Variants in ADCY5 observed in about 807,000 individuals in gnomAD.
The protein encoded by ADCY5 is adenylate cyclase 5.
ADCY5 carries 30 observed loss-of-function variants against 119.7 expected under a neutral mutation model. The ratio of observed to expected loss-of-function variants is 0.25; its 90% CI spans 0.19 to 0.34. The LOEUF (loss-of-function observed/expected upper bound fraction) is 0.34, where lower values mean the gene tolerates loss of function less well. Ranked by LOEUF, ADCY5 falls within the 10% of genes least tolerant of loss-of-function variation. The pLI is 1.00. For missense variants in ADCY5, 1,324 were observed against 1,775.2 expected, an observed-to-expected ratio of 0.75 and a Z score of 4.57; for synonymous variants, 753 against 762.2, an observed-to-expected ratio of 0.99 and a Z score of 0.20.
At chr3:123,329,330 G>C (rs1941649495) in intron 5 of ADCY5, among the ~76,000 whole-genome samples, 1 of 152,202 alleles carries the variant, frequency 6.6e-6, no homozygotes, top group Non-Finnish European at 1.5e-5. Context: ...CTGCTCAGGA[G>C]GGAAGGGGAG....
intron 1 of ADCY5, among the ~76,000 whole-genome samples, chr3:123,439,973 T>G (rs1481898482): frequency 1.3e-5 from 2 of 152,250 alleles, no homozygotes; most frequent in Admixed American, 1.3e-4. Flanking sequence ...AGGAGGGATT[T>G]TGGAAGCCCT....
At chr3:123,399,310 C>T (rs554113945) in intron 1 of ADCY5, among the ~76,000 whole-genome samples, 8 of 152,300 alleles carry the variant, frequency 5.3e-5, no homozygotes, top group African/African-American at 1.9e-4. Context: ...TTACCTGTTT[C>T]TTTTCCCTTT....
At chr3:123,384,906 G>A (rs1255284275) in intron 1 of ADCY5, among the ~76,000 whole-genome samples, 2 of 152,108 alleles carry the variant, frequency 1.3e-5, no homozygotes, top group African/African-American at 4.8e-5. Flanking sequence ...GAGGGTGCAG[G>A]CACAAAGGAG....
chr3:123,387,722 G>A (rs558443187), intron 1 of ADCY5, among the ~76,000 whole-genome samples: 2 of 152,262 alleles, frequency 1.3e-5, no homozygotes, highest in South Asian at 4.1e-4. Flanking sequence ...CATTAATTAG[G>A]CAAACATGTA....
intron 1 of ADCY5, among the ~76,000 whole-genome samples, chr3:123,446,801 C>T (rs1249370782): frequency 6.6e-6 from 1 of 152,168 alleles, no homozygotes; most frequent in African/African-American, 2.4e-5. Context: ...AGGCTCCTTC[C>T]CACTTTAGCG....
chr3:123,426,311 T>TG lies in ADCY5; in HGVS notation c.1134+21100_1134+21101insC, dbSNP rs373639672. ...TCTTTTCTTTTGTGTTTTTTTTTTG[T>TG]TTGTTTTTGTTTGTTTGTTTGTTTG... On this transcript the variant is annotated intron_variant, in intron 1 of 20. Coordinates refer to ENST00000462833, the MANE Select transcript of ADCY5 (RefSeq NM_183357.3). 3.0e-3 allele frequency among the ~76,000 whole-genome samples: 8 copies of TG among 2,694 alleles called. No homozygotes were observed. In the Non-Finnish European group the frequency reaches 0.039, roughly 13 times the overall value. 1.8% of individuals were successfully genotyped at this position (2,694 alleles called of 152,430 possible).
At chr3:123,345,776 A>C in intron 3 of ADCY5, among the ~76,000 whole-genome samples, 1 of 150,572 alleles carries the variant, frequency 6.6e-6, no homozygotes, top group African/African-American at 2.4e-5. Context: ...ACAGACACAC[A>C]CACACACACA....
rs765044994 is a variant in ADCY5, at chr3:123,380,516, G to A, written c.1135-27935C>T. Among the ~76,000 whole-genome samples the A allele has an allele frequency of 2.6e-5, 4 of 152,324 alleles. 1 individual carries two copies. In the South Asian group the frequency reaches 8.3e-4, roughly 32 times the overall value. On this transcript the variant is annotated intron_variant, in intron 1 of 20. Coordinates refer to ENST00000462833, the MANE Select transcript of ADCY5 (RefSeq NM_183357.3). Reference sequence around the variant, plus strand: ...TTCCTCTTCTGAAGTCAGGATGCCCGGCAGGGCCACCCTCCTAAAATCAGG... The same window carrying A: ...TTCCTCTTCTGAAGTCAGGATGCCCAGCAGGGCCACCCTCCTAAAATCAGG...
chr3:123,343,939 C>A (rs1345714146), intron 3 of ADCY5, among the ~76,000 whole-genome samples: 1 of 152,206 alleles, frequency 6.6e-6, no homozygotes, highest in Non-Finnish European at 1.5e-5. Flanking sequence ...CCAGGGGTCC[C>A]CTGGCCTCTG....
rs1272954534 is a variant in ADCY5, at chr3:123,358,151, AAC to A, written c.1135-5572_1135-5571del. Among the ~76,000 whole-genome samples, 7 of 101,118 alleles carry A rather than the reference AAC, an allele frequency of 6.9e-5. No homozygotes were observed. The South Asian group carries it at 9.9e-4, about 14-fold the overall frequency. 66.3% of individuals were successfully genotyped at this position (101,118 alleles called of 152,430 possible). ...TCACGGGACACATCTAACCACATGG[AAC>A]ACGTGTGTGTGTGTGTGTGTGTGTG... On this transcript the variant is annotated intron_variant, in intron 1 of 20. Transcript: ENST00000462833.
intron 1 of ADCY5, among the ~76,000 whole-genome samples, chr3:123,364,235 A>G (rs1001419255): frequency 3.9e-5 from 6 of 152,268 alleles, no homozygotes; most frequent in African/African-American, 1.4e-4. Context: ...ACTTACATAA[A>G]GAAAGAAAAA....
At position 123,358,013 on chromosome 3, in the gene ADCY5, T is replaced by G. The variant is rs546644278; in HGVS notation, c.1135-5432A>C. The stretch of plus-strand genomic sequence containing the variant: ...TAAAAGTAAGTATAAACCCTGTCCT[T>G]GTGTAAAGGACCTAATTAGTAAATA... On this transcript the variant is annotated intron_variant, in intron 1 of 20. Coordinates refer to ENST00000462833, the MANE Select transcript of ADCY5 (RefSeq NM_183357.3). 3.3e-5 allele frequency among the ~76,000 whole-genome samples: 5 copies of G among 152,284 alleles called. No individual in the cohort carries two copies. The South Asian group carries it at 1.0e-3, about 32-fold the overall frequency.
At chr3:123,441,371 A>G (rs1945718359) in intron 1 of ADCY5, among the ~76,000 whole-genome samples, 1 of 152,190 alleles carries the variant, frequency 6.6e-6, no homozygotes, top group South Asian at 2.1e-4. Context: ...CCAAGCAGTC[A>G]ATTTCCTCAG....
At chr3:123,296,362 G>A (rs191382776) in intron 16 of ADCY5, 146 bp from the exon 17 acceptor site, 59 of 963,646 alleles carry the variant, frequency 6.1e-5, no homozygotes, top group East Asian at 2.7e-4. Flanking sequence ...AAACTTTGCC[G>A]CACGCGTGCC....
At chr3:123,309,946 G>A (rs1463747308) in intron 12 of ADCY5, among the ~76,000 whole-genome samples, 1 of 152,078 alleles carries the variant, frequency 6.6e-6, no homozygotes, top group African/African-American at 2.4e-5. Flanking sequence ...TGCAGGGAGA[G>A]GAGGAGAGGC....
rs778344176 is a variant in ADCY5 at position 123,447,565 on chromosome 3, C to A, written c.981G>T (p.Glu327Asp). ...LLLPQPRSAS[E>D]GIWWTVFFIY... Reference sequence around the variant, plus strand: ...TGAAGAACACGGTCCACCAGATGCCCTCAGAGGCGCTGCGTGGCTGCGGCA... The same window carrying A: ...TGAAGAACACGGTCCACCAGATGCCATCAGAGGCGCTGCGTGGCTGCGGCA... The change falls in exon 1 of 21, where the codon GAG (glutamate) becomes GAT (aspartate). Residue 327 changes from glutamate (E) to aspartate (D), a missense_variant. Glu to Asp is a conservative substitution (Grantham distance 45). This residue lies in a region of ADCY5 where 585 missense variants were observed against 569.9 expected (regional missense o/e 1.03). Transcript: ENST00000462833. 6.3e-5 allele frequency: 101 copies of A among 1,608,914 alleles called. 7 individuals carry two copies. The South Asian group carries it at 1.1e-3, about 18-fold the overall frequency.
intron 1 of ADCY5, among the ~76,000 whole-genome samples, chr3:123,354,614 GA>G (rs1341157556): frequency 6.6e-6 from 1 of 152,158 alleles, no homozygotes; most frequent in African/African-American, 2.4e-5. Flanking sequence ...TCTGAAGTAT[GA>G]TCTAGTTAGA....
intron 15 of ADCY5, among the ~76,000 whole-genome samples, chr3:123,299,104 AT>A (rs1233033169): frequency 2.6e-5 from 4 of 152,132 alleles, no homozygotes; most frequent in East Asian, 3.9e-4. Flanking sequence ...ATGCTGATTC[AT>A]TTCTGAATCA....
At position 123,325,304 on chromosome 3, in the gene ADCY5, G is replaced by A; in HGVS notation, c.2088+18C>T. Reference sequence around the variant, plus strand: ...CCTTGGAGAGTGTTGCCCACAGGCTGCCCCACCAGCCACTCACCATCCGCT... The same window carrying A: ...CCTTGGAGAGTGTTGCCCACAGGCTACCCCACCAGCCACTCACCATCCGCT... On this transcript the variant is annotated intron_variant, in intron 8 of 20. Transcript: ENST00000462833. 6.2e-7 allele frequency: 1 copy of A among 1,613,596 alleles called. No individual in the cohort carries two copies. The highest frequency in any genetic ancestry group is 1.1e-5 in the South Asian group (1 of 91,058).
Sources: allele counts gnomAD v4.1 joint callset (sites outside exome capture counted in the v4.1 genomes callset), GRCh38; gene constraint gnomAD v4.1.1; regional missense constraint gnomAD v4.1.1; transcripts MANE v1.5; gene names NCBI Gene and HGNC (gene_info 2026-07-23, HGNC 2026-07-21).